The following C1QTNF7 variants were observed in gnomAD, a reference collection of about 807,000 sequenced individuals.
C1QTNF7 encodes the protein complement C1q tumor necrosis factor-related protein 7.
Under a neutral mutation model 19.6 loss-of-function variants are expected in C1QTNF7, and 15 were observed. That is an observed-to-expected ratio of 0.76 (90% CI 0.51 to 1.18). C1QTNF7 has a LOEUF of 1.18. Ranked by LOEUF, C1QTNF7 falls within the 50% of genes most tolerant of loss-of-function variation. The pLI, the probability that C1QTNF7 is intolerant of heterozygous loss-of-function variation, is 0.00. For synonymous variants in C1QTNF7, 142 were observed against 137.5 expected (o/e 1.03, Z -0.23); for missense variants, 324 against 359.7 (o/e 0.90, Z 0.80).
chr4:15,434,494 A>G (rs1270979936), intron 1 of C1QTNF7, among the ~76,000 whole-genome samples: 1 of 152,164 alleles, frequency 6.6e-6, no homozygotes, highest in Non-Finnish European at 1.5e-5. Context: ...TTGGGAGAGT[A>G]TACACCAGGT....
intron 1 of C1QTNF7, among the ~76,000 whole-genome samples, chr4:15,359,091 C>G (rs1439500318): frequency 6.6e-6 from 1 of 152,186 alleles, no homozygotes; most frequent in Non-Finnish European, 1.5e-5. Flanking sequence ...CCAGCAAACA[C>G]TGCCACCCTC....
At chr4:15,420,029 C>T (rs890254173) in intron 1 of C1QTNF7, 3 of 152,200 alleles carry the variant, frequency 2.0e-5, no homozygotes, top group African/African-American at 7.2e-5. Context: ...ATACGATTCT[C>T]ATCACTGGCA....
chr4:15,373,292 T>C (rs992799032), intron 1 of C1QTNF7, among the ~76,000 whole-genome samples: 1 of 152,138 alleles, frequency 6.6e-6, no homozygotes, highest in South Asian at 2.1e-4. Context: ...GCTATCTCCT[T>C]CCAGCCCTTG....
chr4:15,396,814 C>A (rs1056746191), intron 1 of C1QTNF7, among the ~76,000 whole-genome samples: 2 of 152,096 alleles, frequency 1.3e-5, no homozygotes, highest in Non-Finnish European at 1.5e-5. Context: ...TGGCAGCCCA[C>A]ACACTGAATA....
At chr4:15,402,810 C>T (rs1414388873) in intron 1 of C1QTNF7, among the ~76,000 whole-genome samples, 2 of 152,130 alleles carry the variant, frequency 1.3e-5, no homozygotes, top group African/African-American at 4.8e-5. Flanking sequence ...AGTAACCTCA[C>T]ATTCAATCAT....
At chr4:15,353,310 A>G (rs761533708) in intron 1 of C1QTNF7, among the ~76,000 whole-genome samples, 5 of 152,192 alleles carry the variant, frequency 3.3e-5, no homozygotes, top group Admixed American at 6.5e-5. Flanking sequence ...AGATTCTTTA[A>G]GATCACGTTG....
intron 2 of C1QTNF7, 44 bp from the exon 3 acceptor site, chr4:15,442,124 A>G (rs1244573410): frequency 2.0e-6 from 3 of 1,537,368 alleles, no homozygotes; most frequent in Admixed American, 2.1e-5. Context: ...TTGTGATTAT[A>G]TCTTTTGAGG....
intron 1 of C1QTNF7, among the ~76,000 whole-genome samples, chr4:15,419,571 T>C (rs1711644440): frequency 6.6e-6 from 1 of 152,038 alleles, no homozygotes; most frequent in South Asian, 2.1e-4. Flanking sequence ...GAAACTAAAG[T>C]GGTAACAGTG....
Position 15,443,664 on chromosome 4 carries a change from G to A in C1QTNF7, c.*865G>A, listed in dbSNP as rs1712879760. The A allele has an allele frequency of 6.6e-6, 1 of 152,126 alleles. No individual in the cohort carries two copies. Among genetic ancestry groups the A allele is most frequent in the African/African-American group, 2.4e-5 (1 of 41,422 alleles). 9.4% of individuals were successfully genotyped at this position (152,126 alleles called of 1,614,324 possible). ...ATGATTGGTATTCTCAACAGCAAAG[G>A]GGTGAAAAATCTAGAGACAGAGGAG... On this transcript the variant is annotated 3_prime_UTR_variant, in exon 3 of 3. Coordinates refer to ENST00000444304, the MANE Select transcript of C1QTNF7 (RefSeq NM_031911.5).
At chr4:15,344,006 A>G (rs1264760405) in intron 1 of C1QTNF7, among the ~76,000 whole-genome samples, 1 of 152,234 alleles carries the variant, frequency 6.6e-6, no homozygotes, top group Non-Finnish European at 1.5e-5. Flanking sequence ...AAGACTCCTC[A>G]GAGGAGGTAA....
At chr4:15,345,513 G>A (rs1716686331) in intron 1 of C1QTNF7, among the ~76,000 whole-genome samples, 1 of 152,064 alleles carries the variant, frequency 6.6e-6, no homozygotes. Context: ...TATACTCTTG[G>A]GCTTGGAATT....
At chr4:15,412,156 C>T (rs1719426306) in intron 1 of C1QTNF7, among the ~76,000 whole-genome samples, 1 of 152,164 alleles carries the variant, frequency 6.6e-6, no homozygotes, top group Admixed American at 6.5e-5. Flanking sequence ...CTGATCACCC[C>T]AGAGGGGATG....
intron 1 of C1QTNF7, among the ~76,000 whole-genome samples, chr4:15,355,343 C>A (rs921792652): frequency 6.6e-6 from 1 of 152,106 alleles, no homozygotes; most frequent in Non-Finnish European, 1.5e-5. Flanking sequence ...CCACAGAAAT[C>A]AGAAATAGAG....
intron 1 of C1QTNF7, among the ~76,000 whole-genome samples, chr4:15,346,000 G>T (rs762457600): frequency 3.3e-5 from 5 of 152,130 alleles, no homozygotes; most frequent in African/African-American, 4.8e-5. Flanking sequence ...CTCTCAGAAA[G>T]GATTTTTCTA....
intron 1 of C1QTNF7, among the ~76,000 whole-genome samples, chr4:15,343,681 A>G (rs536350743): frequency 2.0e-5 from 3 of 152,320 alleles, no homozygotes; most frequent in African/African-American, 4.8e-5. Flanking sequence ...AGATATCGCA[A>G]TTTAGAATAT....
chr4:15,416,438 C>T (rs188746262), intron 1 of C1QTNF7, among the ~76,000 whole-genome samples: 81 of 152,286 alleles, frequency 5.3e-4, no homozygotes, highest in Non-Finnish European at 8.5e-4. Flanking sequence ...ATTTCCTCCA[C>T]TACAAAGTGC....
At chr4:15,350,190 G>A in intron 1 of C1QTNF7, among the ~76,000 whole-genome samples, 1 of 122,000 alleles carries the variant, frequency 8.2e-6, no homozygotes, top group African/African-American at 3.0e-5. Flanking sequence ...AGGCAGGAAG[G>A]AAGGAAGGGA....
chr4:15,363,216 G>T (rs553926451), intron 1 of C1QTNF7, among the ~76,000 whole-genome samples: 5 of 151,662 alleles, frequency 3.3e-5, no homozygotes, highest in African/African-American at 1.2e-4. Context: ...GGAAGATCAC[G>T]CTGAGCTTAG....
intron 1 of C1QTNF7, among the ~76,000 whole-genome samples, chr4:15,417,144 T>C (rs1156892148): frequency 2.0e-5 from 3 of 152,244 alleles, no homozygotes; most frequent in African/African-American, 7.2e-5. Flanking sequence ...ATGTATACTT[T>C]TAAAATTTTT....
Sources: allele counts gnomAD v4.1 joint callset (sites outside exome capture counted in the v4.1 genomes callset), GRCh38; gene constraint gnomAD v4.1.1; transcripts MANE v1.5; gene names NCBI Gene and HGNC (gene_info 2026-07-23, HGNC 2026-07-21).